Variants in SGPP2 observed in about 807,000 individuals in gnomAD.
SGPP2 encodes sphingosine 1-phosphate phosphohydrolase 2.
A neutral mutation model predicts 33.9 loss-of-function variants in SGPP2; 30 were observed. That is an observed-to-expected ratio of 0.89 (90% CI 0.66 to 1.20). SGPP2 has a LOEUF of 1.20. SGPP2 is among the 50% of genes most tolerant of loss of function. SGPP2 has a pLI of 0.00. For missense variants in SGPP2, 458 were observed against 532.1 expected, an observed-to-expected ratio of 0.86 and a Z score of 1.37; for synonymous variants, 233 against 225.0, an observed-to-expected ratio of 1.04 and a Z score of -0.32.
In SGPP2 at chr2:222,489,676, ACT is replaced by A. The variant is rs540975184; in HGVS notation, c.378+14953_378+14954del. 3.4e-3 allele frequency among the ~76,000 whole-genome samples: 511 copies of A among 151,878 alleles called. 1 individual carries two copies. The highest frequency in any genetic ancestry group is 0.012 in the African/African-American group (495 of 41,376). ...ACACTGAAAGGATTAAATTATTAAA[ACT>A]CTGTGGGCGGTGTGCGGTGACTTAC... On this transcript the variant is annotated intron_variant, in intron 2 of 4. Transcript: ENST00000321276.
At chr2:222,554,204 A>G (rs1689348509) in intron 4 of SGPP2, among the ~76,000 whole-genome samples, 1 of 152,260 alleles carries the variant, frequency 6.6e-6, no homozygotes, top group Non-Finnish European at 1.5e-5. Context: ...ACCTCTGTGT[A>G]TTCAAGTTAA....
At chr2:222,458,933 A>G (rs541844490) in intron 1 of SGPP2, among the ~76,000 whole-genome samples, 8 of 152,234 alleles carry the variant, frequency 5.3e-5, no homozygotes, top group East Asian at 3.9e-4. Context: ...GAATAGCAAA[A>G]TCTCAATACA....
intron 2 of SGPP2, among the ~76,000 whole-genome samples, chr2:222,496,863 C>A (rs1211850466): frequency 6.6e-6 from 1 of 152,142 alleles, no homozygotes; most frequent in Non-Finnish European, 1.5e-5. Flanking sequence ...CTTCTTGAAC[C>A]TGGCATCTGG....
chr2:222,524,299 C>T (rs1327205611), intron 3 of SGPP2, among the ~76,000 whole-genome samples: 1 of 152,194 alleles, frequency 6.6e-6, no homozygotes, highest in Non-Finnish European at 1.5e-5. Context: ...GACACTAGTG[C>T]TTGAAGCAGG....
At chr2:222,468,140 C>T (rs1697779542) in intron 1 of SGPP2, among the ~76,000 whole-genome samples, 1 of 151,924 alleles carries the variant, frequency 6.6e-6, no homozygotes, top group Non-Finnish European at 1.5e-5. Context: ...AGGTTGAGGT[C>T]CATGATTTTC....
intron 1 of SGPP2, among the ~76,000 whole-genome samples, chr2:222,455,843 A>G (rs1290447268): frequency 6.6e-6 from 1 of 152,076 alleles, no homozygotes; most frequent in Non-Finnish European, 1.5e-5. Flanking sequence ...TTGATGCTTC[A>G]GTGAGCTATG....
intron 1 of SGPP2, among the ~76,000 whole-genome samples, chr2:222,442,613 A>G (rs532786077): frequency 4.3e-4 from 66 of 152,346 alleles, no homozygotes; most frequent in Non-Finnish European, 8.7e-4. Context: ...TTATGCAAAT[A>G]TCCTTGAACA....
intron 2 of SGPP2, among the ~76,000 whole-genome samples, chr2:222,475,070 C>A (rs1574849863): frequency 6.6e-6 from 1 of 152,084 alleles, no homozygotes; most frequent in East Asian, 1.9e-4. Context: ...GGGAGAGGAC[C>A]AGTTTTAGGG....
In SGPP2 at chr2:222,498,626, T is replaced by C. The variant is rs80231879; in HGVS notation, c.379-23141T>C. 2.5e-3 allele frequency among the ~76,000 whole-genome samples: 384 copies of C among 152,228 alleles called. 9 individuals are homozygous for C. In the East Asian group the frequency reaches 0.057, roughly 22 times the overall value. On this transcript the variant is annotated intron_variant, in intron 2 of 4. Coordinates refer to ENST00000321276, the MANE Select transcript of SGPP2 (RefSeq NM_152386.4). ...TTTGAGCAGTTAAGCTGCCAGATAC[T>C]GTTCCAGACTCTGGGCCACACAAAG...
rs139275411 is a variant in SGPP2 at position 222,476,869 on chromosome 2, TAG to T, written c.378+2144_378+2145del. 0.029 allele frequency among the ~76,000 whole-genome samples: 4,458 copies of T among 151,866 alleles called. 233 individuals carry two copies. The highest frequency in any genetic ancestry group is 0.1 in the African/African-American group (4,175 of 41,360). The stretch of plus-strand genomic sequence containing the variant: ...ATATAGGTGTGTATATGTGTATATA[TAG>T]GTGTGTGTATATATGTGTGTTTATT... On this transcript the variant is annotated intron_variant, in intron 2 of 4. Coordinates refer to ENST00000321276, the MANE Select transcript of SGPP2 (RefSeq NM_152386.4). This position sits in a 1 kb window ranked among gnomAD's most constrained non-coding sequence, Gnocchi z 4.3.
chr2:222,551,576 G>T (rs1485956909), intron 4 of SGPP2, among the ~76,000 whole-genome samples: 1 of 152,088 alleles, frequency 6.6e-6, no homozygotes, highest in East Asian at 1.9e-4. Flanking sequence ...TCATTAGCTA[G>T]AGTCCAAGTA....
chr2:222,555,593 G>T (rs1689383099), intron 4 of SGPP2, among the ~76,000 whole-genome samples: 1 of 151,896 alleles, frequency 6.6e-6, no homozygotes, highest in Non-Finnish European at 1.5e-5. Flanking sequence ...CAAAGATGTG[G>T]ATTTGAGAGG....
chr2:222,425,365 C>G (rs1315841425), intron 1 of SGPP2, among the ~76,000 whole-genome samples: 1 of 152,234 alleles, frequency 6.6e-6, no homozygotes, highest in Non-Finnish European at 1.5e-5. Context: ...GCACTACCCC[C>G]GGCGATGATG....
At chr2:222,443,545 G>C (rs1697356244) in intron 1 of SGPP2, among the ~76,000 whole-genome samples, 1 of 152,204 alleles carries the variant, frequency 6.6e-6, no homozygotes, top group South Asian at 2.1e-4. Flanking sequence ...TAGAGAAAAG[G>C]AATAATGACA....
intron 1 of SGPP2, among the ~76,000 whole-genome samples, chr2:222,426,680 G>C (rs1192360255): frequency 6.6e-6 from 1 of 152,186 alleles, no homozygotes; most frequent in East Asian, 1.9e-4. Context: ...CATTGTGTTG[G>C]TATATAATGG....
At chr2:222,534,201 A>G (rs1291967157) in intron 4 of SGPP2, among the ~76,000 whole-genome samples, 2 of 152,232 alleles carry the variant, frequency 1.3e-5, no homozygotes. Flanking sequence ...TACTATATTT[A>G]TGATGCCCTG....
At chr2:222,441,858 A>G (rs934800116) in intron 1 of SGPP2, among the ~76,000 whole-genome samples, 28 of 152,320 alleles carry the variant, frequency 1.8e-4, no homozygotes, top group Non-Finnish European at 2.6e-4. Context: ...CCAAATATCA[A>G]CTGTATTGAT....
chr2:222,503,290 G>A (rs936810534), intron 2 of SGPP2, among the ~76,000 whole-genome samples: 2 of 152,200 alleles, frequency 1.3e-5, no homozygotes, highest in African/African-American at 4.8e-5. Flanking sequence ...ATGTTAAAAT[G>A]ACGATGAATT....
At position 222,491,531 on chromosome 2, in the gene SGPP2, C is replaced by G. The variant is rs182080505; in HGVS notation, c.378+16805C>G. Among the ~76,000 whole-genome samples, 184 of 152,268 alleles carry G rather than the reference C, an allele frequency of 1.2e-3. 1 individual carries two copies. In the Middle Eastern group the frequency reaches 0.014, roughly 11 times the overall value. On this transcript the variant is annotated intron_variant, in intron 2 of 4. Transcript: ENST00000321276. ...AAACTGCATTATAAAACCATCAGAT[C>G]TCATGAGAACTCACTATCACGAGAA...
Sources: allele counts gnomAD v4.1 joint callset (sites outside exome capture counted in the v4.1 genomes callset), GRCh38; gene constraint gnomAD v4.1.1; non-coding constraint Gnocchi (gnomAD v3.1); transcripts MANE v1.5; gene names NCBI Gene and HGNC (gene_info 2026-07-23, HGNC 2026-07-21).